The following L3MBTL4 variants were observed in gnomAD, a reference collection of about 807,000 sequenced individuals.
The protein encoded by L3MBTL4 is lethal(3)malignant brain tumor-like protein 4.
In L3MBTL4, 70 loss-of-function variants were observed where a neutral mutation model predicts 84.5. The observed-to-expected ratio is 0.83, with a 90% confidence interval of 0.68 to 1.01. The LOEUF is 1.01. L3MBTL4 is among the 50% of genes least tolerant of loss of function. The probability of loss-of-function intolerance (pLI) is 0.00; values close to 1 mark genes in which losing one functional copy is unlikely to be tolerated. For missense variants in L3MBTL4, 715 were observed against 754.8 expected, an observed-to-expected ratio of 0.95 and a Z score of 0.62; for synonymous variants, 274 against 259.8, an observed-to-expected ratio of 1.05 and a Z score of -0.52.
chr18:6,171,583 G>A (rs530953901), intron 13 of L3MBTL4, among the ~76,000 whole-genome samples: 1 of 152,256 alleles, frequency 6.6e-6, no homozygotes, highest in South Asian at 2.1e-4. Context: ...CTCAAATGTA[G>A]AAAATAAAGA....
At chr18:6,091,625 AG>A (rs1449653603) in intron 15 of L3MBTL4, among the ~76,000 whole-genome samples, 2 of 152,238 alleles carry the variant, frequency 1.3e-5, no homozygotes, top group Non-Finnish European at 2.9e-5. Context: ...CGTAACAATT[AG>A]TTTAAAAGGC....
intron 12 of L3MBTL4, among the ~76,000 whole-genome samples, chr18:6,176,417 G>T (rs1018284374): frequency 6.6e-6 from 1 of 152,018 alleles, no homozygotes. Context: ...GCAGTCAATT[G>T]ATTTTCAAAA....
intron 10 of L3MBTL4, among the ~76,000 whole-genome samples, chr18:6,219,068 A>G (rs16949678): frequency 0.031 from 4,668 of 152,316 alleles, 245 homozygotes; most frequent in African/African-American, 0.11. Flanking sequence ...ACATGAAGTC[A>G]GTTATTCCTC....
At chr18:6,366,456 C>T (rs1363486529) in intron 1 of L3MBTL4, among the ~76,000 whole-genome samples, 2 of 152,158 alleles carry the variant, frequency 1.3e-5, no homozygotes, top group East Asian at 3.9e-4. Context: ...CACAGTATCA[C>T]TGAATTCTTA....
intron 1 of L3MBTL4, among the ~76,000 whole-genome samples, chr18:6,382,932 T>C (rs2054655528): frequency 6.6e-6 from 1 of 152,146 alleles, no homozygotes; most frequent in Non-Finnish European, 1.5e-5. Context: ...TTCCCCCAGG[T>C]GCTCTGTCCC....
chr18:6,073,558 A>T (rs1346290794), intron 16 of L3MBTL4, among the ~76,000 whole-genome samples: 1 of 152,212 alleles, frequency 6.6e-6, no homozygotes, highest in African/African-American at 2.4e-5. Context: ...GAGATGAAGA[A>T]GACATTACAA....
chr18:6,177,095 T>C (rs779144544), intron 12 of L3MBTL4, among the ~76,000 whole-genome samples: 55 of 152,196 alleles, frequency 3.6e-4, no homozygotes, highest in Admixed American at 2.6e-4. Context: ...TTAAAGAAGC[T>C]TAAACCGTGT....
intron 16 of L3MBTL4, among the ~76,000 whole-genome samples, chr18:6,061,829 C>T (rs2057232350): frequency 6.6e-6 from 1 of 151,902 alleles, no homozygotes; most frequent in Non-Finnish European, 1.5e-5. Context: ...TTGCACTATA[C>T]ACTTACAACT....
chr18:6,373,734 C>T (rs1008440064), intron 1 of L3MBTL4, among the ~76,000 whole-genome samples: 3 of 151,696 alleles, frequency 2.0e-5, no homozygotes, highest in Non-Finnish European at 4.4e-5. Flanking sequence ...GCAGGCCTTG[C>T]TTTACAAACT....
intron 5 of L3MBTL4, among the ~76,000 whole-genome samples, chr18:6,249,454 G>A (rs1478361667): frequency 6.6e-6 from 1 of 152,178 alleles, no homozygotes; most frequent in Non-Finnish European, 1.5e-5. Flanking sequence ...GATGATCAAT[G>A]TTACTCTTGT....
chr18:6,247,346 C>T (rs993096171), intron 5 of L3MBTL4, among the ~76,000 whole-genome samples: 8 of 151,860 alleles, frequency 5.3e-5, no homozygotes, highest in East Asian at 3.9e-4. Context: ...AGTCTAGGGT[C>T]GGATGTTACG....
At chr18:6,195,564 G>A (rs2045337928) in intron 12 of L3MBTL4, among the ~76,000 whole-genome samples, 1 of 152,180 alleles carries the variant, frequency 6.6e-6, no homozygotes, top group African/African-American at 2.4e-5. Context: ...ACTGTTGGAG[G>A]AACATGCACA....
At chr18:6,012,837 T>C (rs1266892893) in intron 16 of L3MBTL4, among the ~76,000 whole-genome samples, 2 of 152,126 alleles carry the variant, frequency 1.3e-5, no homozygotes, top group Non-Finnish European at 2.9e-5. Flanking sequence ...TGCAGTTTCT[T>C]GTGGGTCTGT....
chr18:6,214,805 G>A (rs1382575978), intron 11 of L3MBTL4, among the ~76,000 whole-genome samples: 2 of 152,086 alleles, frequency 1.3e-5, no homozygotes, highest in Non-Finnish European at 2.9e-5. Flanking sequence ...CAATAACCCA[G>A]GACAGAGCTT....
intron 16 of L3MBTL4, among the ~76,000 whole-genome samples, chr18:5,998,151 C>T (rs2054060566): frequency 6.6e-6 from 1 of 152,222 alleles, no homozygotes; most frequent in Non-Finnish European, 1.5e-5. Flanking sequence ...CCTTCCTGCC[C>T]CAAACTCTCA....
At chr18:6,096,999 T>C (rs1417812929) in intron 14 of L3MBTL4, among the ~76,000 whole-genome samples, 1 of 152,218 alleles carries the variant, frequency 6.6e-6, no homozygotes, top group Non-Finnish European at 1.5e-5. Context: ...CCATTCCTCC[T>C]TAATTCACAG....
intron 17 of L3MBTL4, among the ~76,000 whole-genome samples, chr18:5,964,739 G>A (rs1409426062): frequency 6.6e-6 from 1 of 152,158 alleles, no homozygotes; most frequent in Non-Finnish European, 1.5e-5. Flanking sequence ...CGTGCACCAA[G>A]CATACCTGAG....
At chr18:6,042,339 C>T (rs936647129) in intron 16 of L3MBTL4, among the ~76,000 whole-genome samples, 1 of 151,938 alleles carries the variant, frequency 6.6e-6, no homozygotes, top group Non-Finnish European at 1.5e-5. Flanking sequence ...CCCTCACTTA[C>T]AAAACATACA....
intron 16 of L3MBTL4, among the ~76,000 whole-genome samples, chr18:6,018,838 C>T (rs2055118135): frequency 6.6e-6 from 1 of 152,150 alleles, no homozygotes; most frequent in South Asian, 2.1e-4. Context: ...GAGACAGCAG[C>T]AAGGATTCCA....
Sources: allele counts gnomAD v4.1 joint callset (sites outside exome capture counted in the v4.1 genomes callset), GRCh38; gene constraint gnomAD v4.1.1; transcripts MANE v1.5; gene names NCBI Gene and HGNC (gene_info 2026-07-23, HGNC 2026-07-21).